Variants in MDGA1 observed in about 807,000 individuals in gnomAD.
The protein encoded by MDGA1 is MAM domain-containing glycosylphosphatidylinositol anchor protein 1.
Under a neutral mutation model 101.5 loss-of-function variants are expected in MDGA1, and 54 were observed. The ratio of observed to expected loss-of-function variants is 0.53; its 90% CI spans 0.43 to 0.67. The LOEUF (loss-of-function observed/expected upper bound fraction) is 0.67, where lower values mean the gene tolerates loss of function less well. Among genes scored for constraint, MDGA1 ranks in the 30% least tolerant of loss-of-function variants. The pLI, the probability that MDGA1 is intolerant of heterozygous loss-of-function variation, is 0.00. For synonymous variants in MDGA1, 533 were observed against 558.3 expected, an observed-to-expected ratio of 0.95 and a Z score of 0.64; for missense variants, 1,083 against 1,323.8, an observed-to-expected ratio of 0.82 and a Z score of 2.82.
rs1011457532 is a variant in MDGA1, at chr6:37,652,321, G to T, written c.1002C>A (p.Phe334Leu). 1.9e-6 allele frequency: 3 copies of T among 1,610,906 alleles called. No homozygotes were observed. The South Asian group carries it at 3.3e-5, about 18-fold the overall frequency. Residue 334 changes from phenylalanine (F) to leucine (L), a missense_variant, in exon 7 of 17, where the codon TTC becomes TTA. Phe to Leu is a conservative substitution (Grantham distance 22, BLOSUM62 0). This residue lies in a region of MDGA1 where 116 missense variants were observed against 196.6 expected (regional missense o/e 0.59). Transcript: ENST00000434837. This position sits in a 1 kb window ranked among gnomAD's most constrained non-coding sequence, Gnocchi z 4.3. ...CTTTGATCACGTCAGGAGTGATCTG[G>T]AATGTAGCGTTCTTCATGGCTGTGA... ...LLVRSMKNAT[F>L]QITPDVIKES...
chr6:37,646,245 G>A lies in MDGA1; in HGVS notation c.2177C>T (p.Thr726Ile). ...GGAGGCCATGTCACCAGCCCCGAAG[G>A]TGGTATAGGGTGTGAGGCGGACCTC... ...SYEVRLTPYT[T>I]FGAGDMASRI... Residue 726 changes from threonine (T) to isoleucine (I), a missense_variant, in exon 11 of 17, where the codon ACC becomes ATC. By Grantham distance (89) the Thr-to-Ile change is moderately conservative. Transcript: ENST00000434837. 1 of 1,600,722 alleles carries A rather than the reference G, an allele frequency of 6.2e-7. No individual in the cohort carries two copies. Among genetic ancestry groups the A allele is most frequent in the Non-Finnish European group, 8.5e-7 (1 of 1,171,824 alleles).
At position 37,687,956 on chromosome 6, in the gene MDGA1, A is replaced by G. The variant is rs560156959; in HGVS notation, c.67+8789T>C. On this transcript the variant is annotated intron_variant, in intron 1 of 16. Coordinates refer to ENST00000434837, the MANE Select transcript of MDGA1 (RefSeq NM_153487.4). ...GAGGTCCCTTGGTTAGAAGCCAGAA[A>G]AGGGGCCAGTCTCCTGGGCTCTTGG... Among the ~76,000 whole-genome samples the G allele has an allele frequency of 5.2e-4, 74 of 143,232 alleles. 3 individuals carry two copies. In the South Asian group the frequency reaches 0.017, roughly 33 times the overall value. The allele number at this position is 143,232 out of a possible 152,430, so 94.0% of individuals were successfully genotyped here.
chr6:37,665,680 T>C (rs1438419007), intron 1 of MDGA1, among the ~76,000 whole-genome samples: 3 of 152,210 alleles, frequency 2.0e-5, no homozygotes, highest in Non-Finnish European at 2.9e-5. Context: ...TTTCTCTTGA[T>C]AAAAGACCAG....
At chr6:37,640,937 C>T (rs1292247538) in intron 14 of MDGA1, among the ~76,000 whole-genome samples, 1 of 152,156 alleles carries the variant, frequency 6.6e-6, no homozygotes. Context: ...GTGAGTACCT[C>T]CTGTTCTACT....
At chr6:37,681,006 C>G (rs1029537671) in intron 1 of MDGA1, among the ~76,000 whole-genome samples, 3 of 151,784 alleles carry the variant, frequency 2.0e-5, no homozygotes, top group East Asian at 1.9e-4. Context: ...GCCCCCCCCC[C>G]CCAGGAAACC....
At position 37,652,437 on chromosome 6, in the gene MDGA1, G is replaced by T; in HGVS notation, c.983-97C>A. ...CAGACCCAGCTTCTCCCCTCTAGCT[G>T]GCCCTTCTGGGGATAGGGGGCTACA... On this transcript the variant is annotated intron_variant, in intron 6 of 16. Coordinates refer to ENST00000434837, the MANE Select transcript of MDGA1 (RefSeq NM_153487.4). The surrounding 1 kb of genome is among the most constrained non-coding windows in gnomAD (Gnocchi z 4.3). 1.2e-6 allele frequency: 1 copy of T among 865,612 alleles called. No homozygotes were observed. The highest frequency in any genetic ancestry group is 1.8e-5 in the South Asian group (1 of 56,838). The allele number at this position is 865,612 out of a possible 1,614,324, so 53.6% of individuals were successfully genotyped here.
chr6:37,644,784 C>T (rs1283461528), intron 12 of MDGA1, 135 bp from the exon 13 acceptor site: 1 of 949,674 alleles, frequency 1.1e-6, no homozygotes, highest in Non-Finnish European at 1.4e-6. Context: ...TTCAAAAGAC[C>T]AGGCATGGGG....
intron 14 of MDGA1, chr6:37,639,118 C>G (rs904303528): frequency 4.0e-5 from 7 of 176,928 alleles, no homozygotes; most frequent in African/African-American, 1.6e-4. Flanking sequence ...TGTTTAATAC[C>G]CAGTTGGCAA....
chr6:37,649,061 T>TA lies in MDGA1; in HGVS notation c.1814dup (p.Thr606AsnfsTer113). The TA allele has an allele frequency of 5.2e-6, 8 of 1,543,536 alleles. No individual in the cohort carries two copies. The highest frequency in any genetic ancestry group is 6.1e-6 in the Non-Finnish European group (7 of 1,145,022). On this transcript the variant is annotated frameshift_variant, in exon 9 of 17. Transcript: ENST00000434837. LOFTEE classifies it high-confidence loss of function. ...CGTAGCTGCCGCTGCTGTCGCGAGT[T>TA]ACGGCGTCGAGGCGCAGCTCCGCGT...
At chr6:37,640,376 G>A (rs936642355) in intron 14 of MDGA1, among the ~76,000 whole-genome samples, 3 of 152,018 alleles carry the variant, frequency 2.0e-5, no homozygotes, top group Non-Finnish European at 2.9e-5. Context: ...CGGAGGGGGC[G>A]GTGCGGGGAC....
intron 14 of MDGA1, among the ~76,000 whole-genome samples, chr6:37,640,310 TTAGATGTGGCA>T (rs1297605224): frequency 1.3e-5 from 2 of 151,638 alleles, no homozygotes; most frequent in East Asian, 3.9e-4. Context: ...CTGCTTGGCT[TTAGATGTGGCA>T]AGACAGATAC....
In MDGA1 at chr6:37,697,013, T is replaced by G. The variant is rs1022205843; in HGVS notation, c.-202A>C. On this transcript the variant is annotated 5_prime_UTR_variant, in exon 1 of 17. Coordinates refer to ENST00000434837, the MANE Select transcript of MDGA1 (RefSeq NM_153487.4). ...TCCTCCGGCGGGGCCGCTGCCCGCGTGGGGACGCAGGGGGCGCTGGCCCAG... is the reference window on the plus strand; with the variant it reads ...TCCTCCGGCGGGGCCGCTGCCCGCGGGGGGACGCAGGGGGCGCTGGCCCAG... The G allele has an allele frequency of 7.3e-6, 4 of 545,632 alleles. No individual in the cohort carries two copies. The African/African-American group carries it at 7.9e-5, about 11-fold the overall frequency. 33.8% of individuals were successfully genotyped at this position (545,632 alleles called of 1,614,324 possible).
rs144178930 is a variant in MDGA1 at position 37,670,825 on chromosome 6, GAGA to G, written c.68-6722_68-6720del. Among the ~76,000 whole-genome samples the G allele has an allele frequency of 2.5e-3, 374 of 152,296 alleles. 3 individuals are homozygous for G. Among genetic ancestry groups the G allele is most frequent in the African/African-American group, 8.5e-3 (354 of 41,564 alleles). On this transcript the variant is annotated intron_variant, in intron 1 of 16. Transcript: ENST00000434837. ...AAAGTCATATTTAGCTCCATTGGCA[GAGA>G]AGGAGACCAATGCCTGGAAGAGGAA...
chr6:37,675,224 T>C (rs1007749633), intron 1 of MDGA1, among the ~76,000 whole-genome samples: 1 of 152,160 alleles, frequency 6.6e-6, no homozygotes, highest in Non-Finnish European at 1.5e-5. Flanking sequence ...AGGAGTGCGC[T>C]ACCTTTTACT....
Position 37,649,087 on chromosome 6 carries a change from G to T in MDGA1, c.1789C>A (p.His597Asn). The change falls in exon 9 of 17, where the codon CAC becomes AAC. Residue 597 changes from histidine to asparagine, a missense_variant. Transcript: ENST00000434837. ...ACGGCGTCGAGGCGCAGCTCCGCGT[G>T]ATCCGGCGCCTCGGCGGCGGCGGGA... is the stretch of plus-strand genomic sequence containing the variant. ...VVPAAAEAPD[H>N]AELRLDAVTR... is the part of the protein sequence containing the mutation. 6.5e-7 allele frequency: 1 copy of T among 1,527,600 alleles called. No individual in the cohort carries two copies. Among genetic ancestry groups the T allele is most frequent in the Non-Finnish European group, 8.8e-7 (1 of 1,138,888 alleles). 94.6% of individuals were successfully genotyped at this position (1,527,600 alleles called of 1,614,324 possible). A position where few individuals can be genotyped will look rare whatever the true frequency, so the allele number is the denominator to read the frequency against.
chr6:37,635,501 G>A lies in MDGA1; in HGVS notation c.*1867C>T, dbSNP rs75572202. ...CCTTGACTGGGTCAGGAAGGCAGCC[G>A]TGCTGATTGGGCATCAGAAGGCCCC... is the stretch of plus-strand genomic sequence containing the variant. On this transcript the variant is annotated 3_prime_UTR_variant, in exon 17 of 17. Transcript: ENST00000434837. 4.7e-4 allele frequency: 187 copies of A among 398,686 alleles called. 2 individuals carry two copies. The East Asian group carries it at 6.0e-3, about 13-fold the overall frequency. 24.7% of individuals were successfully genotyped at this position (398,686 alleles called of 1,614,324 possible).
Position 37,658,301 on chromosome 6 carries a change from T to C in MDGA1, c.326A>G (p.Lys109Arg). 1 of 1,612,270 alleles carries C rather than the reference T, an allele frequency of 6.2e-7. No individual in the cohort carries two copies. The highest frequency in any genetic ancestry group is 8.5e-7 in the Non-Finnish European group (1 of 1,179,404). The change falls in exon 3 of 17, where the codon AAG (lysine) becomes AGG (arginine). Residue 109 changes from lysine to arginine, a missense_variant. Physicochemically the swap from Lys to Arg is conservative, Grantham distance 26. Coordinates refer to ENST00000434837, the MANE Select transcript of MDGA1 (RefSeq NM_153487.4). The part of the protein sequence containing the change: ...ARTQGGRYYC[K>R]AENGVGVPAI... Reference sequence around the variant, plus strand: ...CGGCACCCCCACGCCGTTCTCAGCCTTGCAGTAGTAGCGGCCGCCCTGCGT... The same window carrying C: ...CGGCACCCCCACGCCGTTCTCAGCCCTGCAGTAGTAGCGGCCGCCCTGCGT...
intron 2 of MDGA1, among the ~76,000 whole-genome samples, chr6:37,662,634 C>CAA (rs59902841): frequency 1.8e-4 from 8 of 44,008 alleles, no homozygotes; most frequent in African/African-American, 3.5e-4. Flanking sequence ...GACCCCATCT[C>CAA]AAAAAAAAAA....
intron 1 of MDGA1, among the ~76,000 whole-genome samples, chr6:37,668,734 G>A (rs1202597825): frequency 1.3e-5 from 2 of 152,192 alleles, no homozygotes; most frequent in Non-Finnish European, 2.9e-5. Context: ...ACTTAAAACT[G>A]GAAGAACTAA....
Sources: allele counts gnomAD v4.1 joint callset (sites outside exome capture counted in the v4.1 genomes callset), GRCh38; gene constraint gnomAD v4.1.1; regional missense constraint gnomAD v4.1.1; non-coding constraint Gnocchi (gnomAD v3.1); transcripts MANE v1.5; gene names NCBI Gene and HGNC (gene_info 2026-07-23, HGNC 2026-07-21).